Variants in NRXN3 observed in about 807,000 individuals in gnomAD.
NRXN3 encodes neurexin III.
In NRXN3, 32 loss-of-function variants were observed where a neutral mutation model predicts 137.6. That is an observed-to-expected ratio of 0.23 (90% CI 0.18 to 0.31). The LOEUF (loss-of-function observed/expected upper bound fraction) is 0.31. Ranked by LOEUF, NRXN3 falls within the 10% of genes least tolerant of loss-of-function variation. The probability of loss-of-function intolerance (pLI) is 1.00; values close to 1 mark genes in which losing one functional copy is unlikely to be tolerated. For synonymous variants in NRXN3, 798 were observed against 784.5 expected (o/e 1.02, Z -0.29); for missense variants, 1,574 against 2,062.5 (o/e 0.76, Z 4.59).
In NRXN3 at chr14:78,243,902, T is replaced by C. The variant is rs2067314677; in HGVS notation, c.709+100T>C. The C allele has an allele frequency of 3.5e-6, 3 of 860,514 alleles. No individual in the cohort carries two copies. The African/African-American group carries it at 5.0e-5, about 14-fold the overall frequency. The allele number at this position is 860,514 out of a possible 1,614,324, so 53.3% of individuals were successfully genotyped here. A position where few individuals can be genotyped will look rare whatever the true frequency, so the allele number is the denominator to read the frequency against. ...TTCTATATGGATGCATATCTTTAGCTGCATGTTAGATCACTGGGCCCCTTG... is the reference window on the plus strand; with the variant it reads ...TTCTATATGGATGCATATCTTTAGCCGCATGTTAGATCACTGGGCCCCTTG... On this transcript the variant is annotated intron_variant, in intron 2 of 20. Coordinates refer to ENST00000335750, the MANE Select transcript of NRXN3 (RefSeq NM_001330195.2). The surrounding 1 kb of genome is among the most constrained non-coding windows in gnomAD (Gnocchi z 4.2).
intron 15 of NRXN3, among the ~76,000 whole-genome samples, chr14:79,205,679 C>A (rs142519342): frequency 2.7e-4 from 41 of 152,130 alleles, no homozygotes; most frequent in Admixed American, 1.3e-4. Flanking sequence ...ATTATAAGTA[C>A]ACACTCTATC....
At chr14:79,307,210 C>T (rs910411026) in intron 15 of NRXN3, among the ~76,000 whole-genome samples, 2 of 151,950 alleles carry the variant, frequency 1.3e-5, no homozygotes, top group African/African-American at 4.8e-5. Flanking sequence ...GGAAATGAGC[C>T]TCAAAAACAT....
At chr14:79,245,221 C>G (rs2153357991) in intron 15 of NRXN3, among the ~76,000 whole-genome samples, 1 of 152,260 alleles carries the variant, frequency 6.6e-6, no homozygotes, top group South Asian at 2.1e-4. Context: ...CACTGCTGCC[C>G]CTGAACAGCC....
rs997019676 is a variant in NRXN3 at position 79,729,974 on chromosome 14, G to A, written c.4014+32037G>A. On this transcript the variant is annotated intron_variant, in intron 19 of 20. Transcript: ENST00000335750. ...AAATTATTAGGCTTGGAGAGTGGTG[G>A]GTAGTCAGAGAAGCACTTCTGTTGT... 3.3e-5 allele frequency among the ~76,000 whole-genome samples: 5 copies of A among 152,074 alleles called. No homozygotes were observed. The South Asian group carries it at 6.2e-4, about 19-fold the overall frequency.
intron 3 of NRXN3, among the ~76,000 whole-genome samples, chr14:78,284,998 G>T (rs895836195): frequency 6.6e-6 from 1 of 152,190 alleles, no homozygotes; most frequent in Non-Finnish European, 1.5e-5. Flanking sequence ...ATGCAGGTCT[G>T]GAATTCTGCT....
chr14:79,431,118 C>T (rs1020998634), intron 15 of NRXN3, among the ~76,000 whole-genome samples: 1 of 152,048 alleles, frequency 6.6e-6, no homozygotes, highest in Non-Finnish European at 1.5e-5. Context: ...TCTTTATTCA[C>T]AACCTGTAAA....
chr14:79,796,139 A>G (rs2140389478), intron 19 of NRXN3, among the ~76,000 whole-genome samples: 1 of 152,304 alleles, frequency 6.6e-6, no homozygotes, highest in African/African-American at 2.4e-5. Flanking sequence ...CAGCCATCAA[A>G]GCCAGGCCTT....
chr14:79,221,074 G>T (rs978440724), intron 15 of NRXN3, among the ~76,000 whole-genome samples: 1 of 152,130 alleles, frequency 6.6e-6, no homozygotes, highest in Non-Finnish European at 1.5e-5. Context: ...CCCTGCAAAG[G>T]ACATGAACTC....
intron 15 of NRXN3, among the ~76,000 whole-genome samples, chr14:79,181,568 C>A (rs768077691): frequency 1.3e-5 from 2 of 151,714 alleles, no homozygotes; most frequent in Non-Finnish European, 2.9e-5. Flanking sequence ...ATAATCCCAG[C>A]TACTTGGGAG....
chr14:78,383,173 A>G (rs1230629001), intron 4 of NRXN3, among the ~76,000 whole-genome samples: 2 of 152,120 alleles, frequency 1.3e-5, no homozygotes, highest in East Asian at 3.9e-4. Context: ...ATCTGAGGGT[A>G]GACATCTGTG....
intron 10 of NRXN3, among the ~76,000 whole-genome samples, chr14:78,927,865 A>G (rs566594539): frequency 2.6e-5 from 4 of 152,268 alleles, no homozygotes; most frequent in African/African-American, 9.6e-5. Context: ...TACATGCCTC[A>G]GCCTATCTCA....
rs145116201 is a variant in NRXN3 at position 78,400,975 on chromosome 14, C to T, written c.757+103115C>T. On this transcript the variant is annotated intron_variant, in intron 4 of 20. Transcript: ENST00000335750. ...TCACAGTTCTGGAGGCTGAGAAGTC[C>T]AATATCAAAGTGCTGGCAGGTTCAG... Among the ~76,000 whole-genome samples the T allele has an allele frequency of 7.9e-3, 1,205 of 152,198 alleles. 32 individuals carry two copies. The highest frequency in any genetic ancestry group is 5.4e-3 in the Non-Finnish European group (368 of 68,004).
At chr14:78,943,004 T>A (rs1239622837) in intron 10 of NRXN3, among the ~76,000 whole-genome samples, 1 of 152,004 alleles carries the variant, frequency 6.6e-6, no homozygotes, top group Non-Finnish European at 1.5e-5. Context: ...GTCTGAGAAA[T>A]ACCCTAGAGG....
intron 16 of NRXN3, among the ~76,000 whole-genome samples, chr14:79,551,066 C>T (rs1318701290): frequency 4.6e-5 from 7 of 152,156 alleles, no homozygotes; most frequent in Non-Finnish European, 1.0e-4. Flanking sequence ...TTGAAGAAGC[C>T]GCTTGCATTC....
At chr14:79,288,170 A>G (rs1033538512) in intron 15 of NRXN3, among the ~76,000 whole-genome samples, 1 of 152,230 alleles carries the variant, frequency 6.6e-6, no homozygotes, top group Non-Finnish European at 1.5e-5. Context: ...CAGAAGCAGC[A>G]TAATGTACCA....
chr14:78,719,514 A>G (rs1415690053), intron 8 of NRXN3, among the ~76,000 whole-genome samples: 1 of 152,180 alleles, frequency 6.6e-6, no homozygotes, highest in Non-Finnish European at 1.5e-5. Context: ...TGCTACATAT[A>G]TGCCACATGG....
chr14:78,684,390 A>G (rs1232835536), intron 6 of NRXN3, among the ~76,000 whole-genome samples: 1 of 152,204 alleles, frequency 6.6e-6, no homozygotes, highest in African/African-American at 2.4e-5. Flanking sequence ...AGACGCTTGA[A>G]AGCTCCAAAG....
intron 20 of NRXN3, among the ~76,000 whole-genome samples, chr14:79,839,993 A>T (rs1232689361): frequency 6.6e-6 from 1 of 152,160 alleles, no homozygotes; most frequent in African/African-American, 2.4e-5. Context: ...GTATGTATGT[A>T]TTTAAACGAA....
intron 16 of NRXN3, among the ~76,000 whole-genome samples, chr14:79,652,077 T>C (rs568254370): frequency 6.6e-6 from 1 of 152,284 alleles, no homozygotes; most frequent in South Asian, 2.1e-4. Flanking sequence ...ACAGAGGTGC[T>C]TAGATTCTAC....
Sources: allele counts gnomAD v4.1 joint callset (sites outside exome capture counted in the v4.1 genomes callset), GRCh38; gene constraint gnomAD v4.1.1; non-coding constraint Gnocchi (gnomAD v3.1); transcripts MANE v1.5; gene names NCBI Gene and HGNC (gene_info 2026-07-23, HGNC 2026-07-21).